The following CCDC172 variants were observed in gnomAD, a reference collection of about 807,000 sequenced individuals.
The protein encoded by CCDC172 is coiled-coil domain-containing protein 172.
A neutral mutation model predicts 38.0 loss-of-function variants in CCDC172; 30 were observed. The observed-to-expected ratio is 0.79, with a 90% CI of 0.59 to 1.07. The LOEUF is 1.07. CCDC172 is among the 50% of genes least tolerant of loss of function. CCDC172 has a pLI of 0.00. For synonymous variants in CCDC172, 78 were observed against 88.3 expected, an observed-to-expected ratio of 0.88 and a Z score of 0.66; for missense variants, 297 against 290.1, an observed-to-expected ratio of 1.02 and a Z score of -0.17.
chr10:116,355,173 C>T (rs1844979956), intron 5 of CCDC172, among the ~76,000 whole-genome samples: 1 of 152,154 alleles, frequency 6.6e-6, no homozygotes, highest in African/African-American at 2.4e-5. Flanking sequence ...TTGACTCACT[C>T]AAAGCAACTT....
At chr10:116,378,935 A>C (rs578058000) in intron 8 of CCDC172, among the ~76,000 whole-genome samples, 1 of 152,224 alleles carries the variant, frequency 6.6e-6, no homozygotes, top group South Asian at 2.1e-4. Flanking sequence ...GTATTTGTAT[A>C]ATCTCAAAAA....
intron 6 of CCDC172, 124 bp downstream of exon 6, chr10:116,357,605 A>G: frequency 1.1e-6 from 1 of 915,650 alleles, no homozygotes; most frequent in Non-Finnish European, 1.5e-6. Flanking sequence ...GGTATAAAAA[A>G]GAAATAGATA....
At chr10:116,355,377 A>G (rs558372340) in intron 5 of CCDC172, among the ~76,000 whole-genome samples, 1 of 152,226 alleles carries the variant, frequency 6.6e-6, no homozygotes, top group Non-Finnish European at 1.5e-5. Flanking sequence ...AATAGGCTAT[A>G]CAGTATAGCC....
chr10:116,348,308 C>T (rs1376589909), intron 5 of CCDC172, among the ~76,000 whole-genome samples: 2 of 151,906 alleles, frequency 1.3e-5, no homozygotes, highest in East Asian at 1.9e-4. Flanking sequence ...TCTTCCATTC[C>T]CACTTCTAAT....
chr10:116,341,898 A>G, intron 4 of CCDC172, 138 bp from the exon 5 acceptor site: 1 of 536,592 alleles, frequency 1.9e-6, no homozygotes, highest in Non-Finnish European at 2.7e-6. Flanking sequence ...TGAGAAAAAA[A>G]CATTTTTGCC....
intron 7 of CCDC172, among the ~76,000 whole-genome samples, chr10:116,376,236 A>G (rs1056929497): frequency 6.6e-6 from 1 of 152,172 alleles, no homozygotes; most frequent in African/African-American, 2.4e-5. Context: ...GCATCCAGGA[A>G]ATGCCACTGA....
chr10:116,326,534 A>AGCTTT (rs1284840376), intron 3 of CCDC172, among the ~76,000 whole-genome samples: 2 of 152,244 alleles, frequency 1.3e-5, no homozygotes, highest in Non-Finnish European at 1.5e-5. Context: ...ACACTTCTCC[A>AGCTTT]TCTGGCGAAT....
intron 5 of CCDC172, among the ~76,000 whole-genome samples, chr10:116,353,413 T>G (rs1407556509): frequency 6.6e-6 from 1 of 152,190 alleles, no homozygotes; most frequent in African/African-American, 2.4e-5. Flanking sequence ...AAAACTCTTG[T>G]GTTTCAAAGG....
At chr10:116,367,924 C>A (rs2134964472) in intron 7 of CCDC172, among the ~76,000 whole-genome samples, 1 of 151,850 alleles carries the variant, frequency 6.6e-6, no homozygotes, top group African/African-American at 2.4e-5. Flanking sequence ...AGAACAATTC[C>A]TCTCCTTTCA....
chr10:116,360,344 C>T (rs1048040816), intron 7 of CCDC172, among the ~76,000 whole-genome samples: 5 of 152,150 alleles, frequency 3.3e-5, no homozygotes, highest in Non-Finnish European at 7.4e-5. Context: ...ATCTTTCTTT[C>T]ACTCTTTGCA....
intron 7 of CCDC172, among the ~76,000 whole-genome samples, chr10:116,364,079 T>C (rs967548495): frequency 1.3e-5 from 2 of 151,990 alleles, no homozygotes; most frequent in African/African-American, 4.8e-5. Context: ...CTGATAAAAA[T>C]CCATTAGAAA....
Position 116,378,430 on chromosome 10 carries a change from A to C in CCDC172, c.661A>C (p.Lys221Gln). The part of the protein sequence containing the change: ...QNDTECLRLK[K>Q]ELELYKEDDM... ...AATTTTCTTTTAAAATAGACTTAAA[A>C]AAGAATTAGAACTTTATAAGGAAGA... Residue 221 changes from lysine to glutamine, a missense_variant, in exon 8 of 9, where the codon AAA becomes CAA. Lys to Gln is a moderately conservative substitution (Grantham distance 53, BLOSUM62 1). Coordinates refer to ENST00000333254, the MANE Select transcript of CCDC172 (RefSeq NM_198515.3). 1 of 1,588,396 alleles carries C rather than the reference A, an allele frequency of 6.3e-7. No homozygotes were observed. Among genetic ancestry groups the C allele is most frequent in the Non-Finnish European group, 8.5e-7 (1 of 1,170,862 alleles).
chr10:116,371,731 A>T (rs1314327506), intron 7 of CCDC172, among the ~76,000 whole-genome samples: 1 of 152,124 alleles, frequency 6.6e-6, no homozygotes, highest in East Asian at 1.9e-4. Flanking sequence ...CTGGGTGAGA[A>T]ATAGACAAAT....
intron 7 of CCDC172, among the ~76,000 whole-genome samples, chr10:116,373,182 C>G (rs1273309297): frequency 6.6e-6 from 1 of 151,954 alleles, no homozygotes; most frequent in Non-Finnish European, 1.5e-5. Context: ...TAGCTTGAGT[C>G]TAGGAGTTCA....
intron 3 of CCDC172, among the ~76,000 whole-genome samples, chr10:116,326,449 T>C (rs1339947575): frequency 6.6e-6 from 1 of 152,184 alleles, no homozygotes; most frequent in Non-Finnish European, 1.5e-5. Context: ...GAAGTCTGTC[T>C]GCTTCAAATA....
chr10:116,356,089 T>C (rs1197180058), intron 5 of CCDC172, among the ~76,000 whole-genome samples: 1 of 152,014 alleles, frequency 6.6e-6, no homozygotes, highest in Non-Finnish European at 1.5e-5. Context: ...TCCCAGCACT[T>C]TGGGAGGCCG....
At chr10:116,379,210 T>C in intron 8 of CCDC172, 113 bp from the exon 9 acceptor site, 1 of 539,162 alleles carries the variant, frequency 1.9e-6, no homozygotes, top group Non-Finnish European at 3.1e-6. Context: ...TTATAAAAAA[T>C]ATAATTAAGA....
rs1356425025 is a variant in CCDC172, at chr10:116,340,781, T to A, written c.213T>A (p.Ala71=). 2 of 1,606,860 alleles carry A rather than the reference T, an allele frequency of 1.2e-6. No individual in the cohort carries two copies. Among genetic ancestry groups the A allele is most frequent in the Non-Finnish European group, 1.7e-6 (2 of 1,175,526 alleles). ...CCTTCTTCTTACAGCTTTTGAAAGC[T>A]CATGAAAATGCTTTAGAAAAACAGT... is the stretch of plus-strand genomic sequence containing the variant. ...EKSFFLQLLK[A]HENALEKQYS... The change falls in exon 4 of 9, where the codon GCT becomes GCA. Residue 71 remains alanine, a synonymous_variant. Coordinates refer to ENST00000333254, the MANE Select transcript of CCDC172 (RefSeq NM_198515.3).
chr10:116,371,605 T>C (rs193289660), intron 7 of CCDC172, among the ~76,000 whole-genome samples: 4 of 152,186 alleles, frequency 2.6e-5, no homozygotes, highest in African/African-American at 9.6e-5. Flanking sequence ...TCAATTTATA[T>C]AGTTTTTGGA....
Sources: allele counts gnomAD v4.1 joint callset (sites outside exome capture counted in the v4.1 genomes callset), GRCh38; gene constraint gnomAD v4.1.1; transcripts MANE v1.5; gene names NCBI Gene and HGNC (gene_info 2026-07-23, HGNC 2026-07-21).